The following TTN variants were observed in gnomAD, a reference collection of about 807,000 sequenced individuals.
TTN encodes connectin.
A neutral mutation model predicts 3,223.0 loss-of-function variants in TTN; 1,525 were observed. The ratio of observed to expected loss-of-function variants is 0.47; its 90% confidence interval spans 0.45 to 0.49. TTN has a LOEUF of 0.49. Among genes scored for constraint, TTN ranks in the 20% least tolerant of loss-of-function variants. TTN has a pLI of 0.00. For missense variants in TTN, 40,786 were observed against 43,424.0 expected, an observed-to-expected ratio of 0.94 and a Z score of 5.40; for synonymous variants, 14,094 against 15,161.0, an observed-to-expected ratio of 0.93 and a Z score of 5.17.
intron 47 of TTN, chr2:178,746,260 A>G (rs748842882): frequency 6.2e-7 from 1 of 1,612,456 alleles, no homozygotes; most frequent in South Asian, 1.1e-5. Context: ...TTATAAAGCG[A>G]GGAGGCATTT....
At position 178,564,852 on chromosome 2, in the gene TTN, G is replaced by A. The variant is rs1363036038; in HGVS notation, c.81280C>T (p.His27094Tyr). Reference sequence around the variant, plus strand: ...GTGCCTCCATCATTCACTGGCTCATGCCATTGCACAAGCATCTGATCTTTT... The same window carrying A: ...GTGCCTCCATCATTCACTGGCTCATACCATTGCACAAGCATCTGATCTTTT... ...ISKDQMLVQW[H>Y]EPVNDGGTKI... is the part of the protein sequence containing the mutation. The change falls in exon 326 of 363, where the codon CAT becomes TAT. Residue 27094 changes from histidine (H) to tyrosine (Y), a missense_variant. Physicochemically the swap from His to Tyr is moderately conservative, Grantham distance 83. Transcript: ENST00000589042. 3 of 1,613,062 alleles carry A rather than the reference G, an allele frequency of 1.9e-6. No homozygotes were observed. The African/African-American group carries it at 4.0e-5, about 22-fold the overall frequency.
In TTN at chr2:178,536,054, C is replaced by T. The variant is rs373484505; in HGVS notation, c.100693G>A (p.Ala33565Thr). 1.9e-6 allele frequency: 3 copies of T among 1,596,220 alleles called. No individual in the cohort carries two copies. The East Asian group carries it at 6.7e-5, about 36-fold the overall frequency. The change falls in exon 357 of 363, where the codon GCC becomes ACC. Residue 33565 changes from alanine to threonine, a missense_variant. Coordinates refer to ENST00000589042, the MANE Select transcript of TTN (RefSeq NM_001267550.2). ...GTAGCTCTGACTTGGTAAACTGTGGCATCATCATCTGTGACACTTGCAATG... is the reference window on the plus strand; with the variant it reads ...GTAGCTCTGACTTGGTAAACTGTGGTATCATCATCTGTGACACTTGCAATG... ...LIIASVTDDD[A>T]TVYQVRATNQ...
chr2:178,621,130 G>T lies in TTN; in HGVS notation c.45588C>A (p.Ala15196=), dbSNP rs2058208982. 1 of 1,612,382 alleles carries T rather than the reference G, an allele frequency of 6.2e-7. No homozygotes were observed. Among genetic ancestry groups the T allele is most frequent in the Non-Finnish European group, 8.5e-7 (1 of 1,179,250 alleles). ...TGACTGTCAAGTGAGCTGCTGCTCT[G>T]GCGGCCCCTACCATGACAACGTAAG... The part of the protein sequence containing the change: ...MGTYVVMVGA[A]RAAAHLTVIE... The change falls in exon 246 of 363, where the codon GCC becomes GCA. Residue 15196 remains alanine, a synonymous_variant. Transcript: ENST00000589042.
Position 178,613,833 on chromosome 2 carries a change from C to T in TTN, c.49450G>A (p.Gly16484Arg). Residue 16484 changes from glycine to arginine, a missense_variant, in exon 263 of 363, where the codon GGA becomes AGA. Transcript: ENST00000589042. ...PDDDGGSPIT[G>R]YWVERLDPDT... is the part of the protein sequence containing the mutation. ...GGATCCAGTCTTTCAACCCAGTATC[C>T]TGTGATTGGGCTGCCACCATCATCA... is the stretch of plus-strand genomic sequence containing the variant. 6.2e-7 allele frequency: 1 copy of T among 1,612,554 alleles called. No homozygotes were observed. Among genetic ancestry groups the T allele is most frequent in the Non-Finnish European group, 8.5e-7 (1 of 1,179,110 alleles).
chr2:178,725,745 C>T (rs1187117544), intron 70 of TTN, 23 bp downstream of exon 70: 1 of 1,561,906 alleles, frequency 6.4e-7, no homozygotes. Flanking sequence ...GACATTTCTG[C>T]CATGTGGATG....
intron 47 of TTN, chr2:178,745,372 A>C: frequency 2.8e-6 from 4 of 1,408,204 alleles, no homozygotes; most frequent in South Asian, 3.1e-5. Flanking sequence ...CATGATTGAC[A>C]CAAGTGATGA....
Position 178,724,280 on chromosome 2 carries a change from G to C in TTN, c.21095C>G (p.Thr7032Arg), listed in dbSNP as rs1361147832. 4.3e-6 allele frequency: 7 copies of C among 1,613,274 alleles called. No individual in the cohort carries two copies. Among genetic ancestry groups the C allele is most frequent in the Non-Finnish European group, 5.9e-6 (7 of 1,179,510 alleles). The change falls in exon 72 of 363, where the codon ACA becomes AGA. Residue 7032 changes from threonine to arginine, a missense_variant. Physicochemically the swap from Thr to Arg is moderately conservative, Grantham distance 71. Transcript: ENST00000589042. ...VQNNVGKSSC[T>R]AVVDVSDRAV... ...CTAACCTGAAACATCAACCACAGCT[G>C]TGCAGCTGCTTTTCCCAACATTATT... is the stretch of plus-strand genomic sequence containing the variant.
intron 213 of TTN, among the ~76,000 whole-genome samples, chr2:178,647,847 G>C (rs956546266): frequency 1.3e-5 from 2 of 152,034 alleles, no homozygotes; most frequent in Non-Finnish European, 2.9e-5. Context: ...TGCTTTAAAG[G>C]TGAAAAGCAC....
Position 178,736,031 on chromosome 2 carries a change from T to G in TTN, c.14415A>C (p.Thr4805=), listed in dbSNP as rs1440958456. Residue 4805 remains threonine, a synonymous_variant, in exon 50 of 363, where the codon ACA becomes ACC. Coordinates refer to ENST00000589042, the MANE Select transcript of TTN (RefSeq NM_001267550.2). ...ACTTGGCTGCCTTACCCACAAAAGTTGTAAGGGACTTAGGTCTGGAGAGAA... is the reference window on the plus strand; with the variant it reads ...ACTTGGCTGCCTTACCCACAAAAGTGGTAAGGGACTTAGGTCTGGAGAGAA... ...PTFLSRPKSL[T]TFVGKAAKFI... The G allele has an allele frequency of 6.2e-7, 1 of 1,610,292 alleles. No homozygotes were observed. Among genetic ancestry groups the G allele is most frequent in the South Asian group, 1.1e-5 (1 of 90,498 alleles).
chr2:178,652,218 A>T (rs1168013503), intron 203 of TTN, 39 bp from the exon 204 acceptor site: 1 of 1,612,758 alleles, frequency 6.2e-7, no homozygotes, highest in South Asian at 1.1e-5. Flanking sequence ...TAGACAAAGT[A>T]AAGACAAACA....
Position 178,550,193 on chromosome 2 carries a change from A to C in TTN, c.91645T>G (p.Leu30549Val). Residue 30549 changes from leucine to valine, a missense_variant, in exon 337 of 363, where the codon TTG becomes GTG. By Grantham distance (32) the Leu-to-Val change is conservative (BLOSUM62 1). Coordinates refer to ENST00000589042, the MANE Select transcript of TTN (RefSeq NM_001267550.2). The part of the protein sequence containing the change: ...KSGESLRIKA[L>V]VQGRPVPRVT... ...CGAGGCACTGGTCTTCCTTGTACCA[A>C]AGCTTTAATTCTAAGGCTCTCTCCG... The C allele has an allele frequency of 6.2e-7, 1 of 1,613,762 alleles. No homozygotes were observed. Among genetic ancestry groups the C allele is most frequent in the Non-Finnish European group, 8.5e-7 (1 of 1,179,758 alleles).
chr2:178,675,888 G>A, intron 148 of TTN, 33 bp downstream of exon 148: 1 of 1,588,700 alleles, frequency 6.3e-7, no homozygotes, highest in Non-Finnish European at 8.6e-7. Flanking sequence ...GGAAGGAAAT[G>A]GCATAGTCTA....
rs1231417835 is a variant in TTN, at chr2:178,571,765, T to C, written c.74367A>G (p.Lys24789=). 2 of 1,613,332 alleles carry C rather than the reference T, an allele frequency of 1.2e-6. No homozygotes were observed. Among genetic ancestry groups the C allele is most frequent in the Non-Finnish European group, 1.7e-6 (2 of 1,179,576 alleles). The change falls in exon 326 of 363, where the codon AAA becomes AAG. Residue 24789 remains lysine (K), a synonymous_variant. Transcript: ENST00000589042. ...CREDVGHYVV[K]LTNSAGEAIE... ...TAGCTTCACCAGCTGAGTTAGTCAG[T>C]TTAACCACATAATGGCCAACATCTT...
Position 178,551,943 on chromosome 2 carries a change from T to G in TTN, c.90957A>C (p.Lys30319Asn), listed in dbSNP as rs1171847318. ...QPLVSSIIVA[K>N]HQFRIPGPPG... ...GGGGACCAGGAATCCTGAACTGGTG[T>G]TTTGCCACAATAATGCTTGAGACAA... The change falls in exon 335 of 363, where the codon AAA becomes AAC. Residue 30319 changes from lysine to asparagine, a missense_variant. Lys to Asn is a moderately conservative substitution (Grantham distance 94). Transcript: ENST00000589042. 6.2e-7 allele frequency: 1 copy of G among 1,613,110 alleles called. No individual in the cohort carries two copies. Among genetic ancestry groups the G allele is most frequent in the Non-Finnish European group, 8.5e-7 (1 of 1,179,186 alleles).
At position 178,527,117 on chromosome 2, in the gene TTN, G is replaced by A. The variant is rs777697301; in HGVS notation, c.107871C>T (p.Ile35957=). 20 of 1,613,810 alleles carry A rather than the reference G, an allele frequency of 1.2e-5. No individual in the cohort carries two copies. The highest frequency in any genetic ancestry group is 1.7e-5 in the Admixed American group (1 of 59,998). ...IENTDDLTTL[I]IMDVQKQDGG... ...CATCTTGTTTCTGTACGTCCATGATGATCAGGGTTGTCAGGTCATCTGTGT... is the reference window on the plus strand; with the variant it reads ...CATCTTGTTTCTGTACGTCCATGATAATCAGGGTTGTCAGGTCATCTGTGT... The change falls in exon 363 of 363, where the codon ATC becomes ATT. Residue 35957 remains isoleucine, a synonymous_variant. Coordinates refer to ENST00000589042, the MANE Select transcript of TTN (RefSeq NM_001267550.2).
rs773102379 is a variant in TTN at position 178,579,549 on chromosome 2, A to G, written c.67636+12T>C. The stretch of plus-strand genomic sequence containing the variant: ...ATAAAGGAAAAATGAAGATGTGTGC[A>G]TAGAGCCTTACCAACATCATCCCTT... On this transcript the variant is annotated intron_variant, in intron 319 of 362. Coordinates refer to ENST00000589042, the MANE Select transcript of TTN (RefSeq NM_001267550.2). 6.2e-6 allele frequency: 10 copies of G among 1,612,594 alleles called. No individual in the cohort carries two copies. In the South Asian group the frequency reaches 9.9e-5, roughly 16 times the overall value.
At chr2:178,687,113 A>G (rs2071129830) in intron 127 of TTN, among the ~76,000 whole-genome samples, 1 of 152,214 alleles carries the variant, frequency 6.6e-6, no homozygotes, top group Non-Finnish European at 1.5e-5. Context: ...GTTCCAAGTG[A>G]AAAAAGGGGC....
chr2:178,697,788 C>T (rs548610316), intron 112 of TTN, among the ~76,000 whole-genome samples: 4 of 152,270 alleles, frequency 2.6e-5, no homozygotes, highest in Admixed American at 1.3e-4. Flanking sequence ...TGAATTGATC[C>T]TCCTTCATAA....
At chr2:178,606,717 G>A (rs973101989) in intron 278 of TTN, among the ~76,000 whole-genome samples, 1 of 151,868 alleles carries the variant, frequency 6.6e-6, no homozygotes, top group Non-Finnish European at 1.5e-5. Context: ...GACTTCCAAT[G>A]TGTTCTACTG....
Sources: allele counts gnomAD v4.1 joint callset (sites outside exome capture counted in the v4.1 genomes callset), GRCh38; gene constraint gnomAD v4.1.1; transcripts MANE v1.5; gene names NCBI Gene and HGNC (gene_info 2026-07-23, HGNC 2026-07-21).